The following DPYSL5 variants were observed in gnomAD, a reference collection of about 807,000 sequenced individuals.
DPYSL5 encodes the protein dihydropyrimidinase like 5.
A neutral mutation model predicts 58.4 loss-of-function variants in DPYSL5; 9 were observed. That is an observed-to-expected ratio of 0.15 (90% CI 0.09 to 0.27). The LOEUF (loss-of-function observed/expected upper bound fraction) is 0.27, where lower values mean the gene tolerates loss of function less well. Ranked by LOEUF, DPYSL5 falls within the 10% of genes least tolerant of loss-of-function variation. The pLI, the probability that DPYSL5 is intolerant of heterozygous loss-of-function variation, is 1.00. For missense variants in DPYSL5, 499 were observed against 770.6 expected, an observed-to-expected ratio of 0.65 and a Z score of 4.17; for synonymous variants, 293 against 301.9, an observed-to-expected ratio of 0.97 and a Z score of 0.31.
chr2:26,876,353 G>A (rs972822733), intron 1 of DPYSL5, among the ~76,000 whole-genome samples: 1 of 152,168 alleles, frequency 6.6e-6, no homozygotes, highest in African/African-American at 2.4e-5. Context: ...ACGGTGGAGT[G>A]GGGGTGCCTC....
chr2:26,936,473 G>A (rs1992311), intron 8 of DPYSL5, among the ~76,000 whole-genome samples: 89,522 of 151,980 alleles, frequency 0.59, 26,739 homozygotes, highest in East Asian at 0.68. Context: ...GGGCGTGGGC[G>A]AAGGTGGCCT....
At chr2:26,894,216 G>C (rs756896779) in intron 1 of DPYSL5, among the ~76,000 whole-genome samples, 9 of 151,938 alleles carry the variant, frequency 5.9e-5, no homozygotes, top group Non-Finnish European at 1.3e-4. Flanking sequence ...GTTGCCCTCA[G>C]CACTGGCCCC....
chr2:26,931,604 G>A, intron 5 of DPYSL5, 36 bp from the exon 6 acceptor site: 1 of 1,613,066 alleles, frequency 6.2e-7, no homozygotes, highest in Non-Finnish European at 8.5e-7. Context: ...AGGAGATGGT[G>A]AAGTTTGGTT....
chr2:26,884,955 T>G (rs1663676551), intron 1 of DPYSL5, among the ~76,000 whole-genome samples: 1 of 152,132 alleles, frequency 6.6e-6, no homozygotes, highest in Admixed American at 6.5e-5. Context: ...TCCCAGCACT[T>G]TGGGAGGCTG....
rs745834449 is a variant in DPYSL5, at chr2:26,942,066, G to A, written c.1206G>A (p.Val402=). The A allele has an allele frequency of 5.0e-6, 8 of 1,614,188 alleles. No individual in the cohort carries two copies. Among genetic ancestry groups the A allele is most frequent in the South Asian group, 1.1e-5 (1 of 91,084 alleles). ...GRIIPGADAD[V]VVWDPEATKT... ...TTATTCCCGGAGCCGATGCTGATGT[G>A]GTGGTGTGGGACCCAGAAGCCACAA... The change falls in exon 10 of 13, where the codon GTG becomes GTA. Residue 402 remains valine, a synonymous_variant. Coordinates refer to ENST00000288699, the MANE Select transcript of DPYSL5 (RefSeq NM_020134.4). This position sits in a 1 kb window ranked among gnomAD's most constrained non-coding sequence, Gnocchi z 5.9.
intron 8 of DPYSL5, chr2:26,938,709 C>G (rs529530785): frequency 1.3e-5 from 2 of 152,384 alleles, no homozygotes; most frequent in Admixed American, 1.3e-4. Context: ...TTTCTGCCCC[C>G]ACAGTCTCCT....
At chr2:26,888,229 C>CTT (rs1553316464) in intron 1 of DPYSL5, among the ~76,000 whole-genome samples, 2 of 129,398 alleles carry the variant, frequency 1.5e-5, no homozygotes, top group African/African-American at 6.4e-5. Flanking sequence ...TTCTTTCTTT[C>CTT]TTTCTTTCTT....
chr2:26,941,646 G>A (rs189118332), intron 9 of DPYSL5, among the ~76,000 whole-genome samples: 67 of 152,318 alleles, frequency 4.4e-4, no homozygotes, highest in African/African-American at 1.4e-3. Context: ...TGACTCATCC[G>A]TGTGGGCACA....
intron 2 of DPYSL5, among the ~76,000 whole-genome samples, chr2:26,900,755 G>T (rs867802229): frequency 1.9e-4 from 29 of 152,070 alleles, no homozygotes; most frequent in African/African-American, 6.0e-4. Context: ...TCCATTCTGG[G>T]GTCCATTCTG....
At chr2:26,866,732 CTTTT>C (rs1298358466) in intron 1 of DPYSL5, among the ~76,000 whole-genome samples, 2 of 132,910 alleles carry the variant, frequency 1.5e-5, no homozygotes, top group Non-Finnish European at 3.2e-5. Flanking sequence ...AATTCTTCTT[CTTTT>C]TTTTTTTTTT....
chr2:26,939,295 G>A (rs548589092), intron 8 of DPYSL5: 4 of 152,150 alleles, frequency 2.6e-5, no homozygotes, highest in Non-Finnish European at 4.4e-5. Context: ...CCACCACTAC[G>A]CTCAGATAAT....
Position 26,947,015 on chromosome 2 carries a change from G to A in DPYSL5, c.*20G>A, listed in dbSNP as rs777940661. On this transcript the variant is annotated 3_prime_UTR_variant, in exon 13 of 13. Transcript: ENST00000288699. This position sits in a 1 kb window ranked among gnomAD's most constrained non-coding sequence, Gnocchi z 4.2. ...TGGTAAAGGCATTGCCAAGCCCCCCGAGTGAGGACGCACCGCCGCCACCAG... is the reference window on the plus strand; with the variant it reads ...TGGTAAAGGCATTGCCAAGCCCCCCAAGTGAGGACGCACCGCCGCCACCAG... 1.1e-5 allele frequency: 17 copies of A among 1,584,002 alleles called. No homozygotes were observed. The highest frequency in any genetic ancestry group is 1.7e-4 in the Middle Eastern group (1 of 6,040).
chr2:26,885,091 C>T (rs1415311119), intron 1 of DPYSL5, among the ~76,000 whole-genome samples: 3 of 151,928 alleles, frequency 2.0e-5, no homozygotes, highest in Admixed American at 6.6e-5. Flanking sequence ...CCCAGCTACT[C>T]GGGAGGCTGA....
intron 1 of DPYSL5, among the ~76,000 whole-genome samples, chr2:26,866,056 C>T (rs1465748240): frequency 2.6e-5 from 4 of 152,166 alleles, no homozygotes; most frequent in Non-Finnish European, 5.9e-5. Context: ...GATAAATGCC[C>T]TGTGAACAGC....
At position 26,924,839 on chromosome 2, in the gene DPYSL5, C is replaced by T. The variant is rs1664789137; in HGVS notation, c.262-48C>T. 5.7e-6 allele frequency: 9 copies of T among 1,588,024 alleles called. No individual in the cohort carries two copies. Among genetic ancestry groups the T allele is most frequent in the African/African-American group, 2.7e-5 (2 of 74,602 alleles). On this transcript the variant is annotated intron_variant, in intron 2 of 12. Transcript: ENST00000288699. The surrounding 1 kb of genome is among the most constrained non-coding windows in gnomAD (Gnocchi z 4.7). ...ACCATGTCTCACCACATCATTGACT[C>T]GGGGGCAGGCAGGGCTGTGACGAGA...
intron 8 of DPYSL5, among the ~76,000 whole-genome samples, chr2:26,936,112 G>A (rs1455323314): frequency 2.0e-5 from 3 of 152,186 alleles, no homozygotes; most frequent in African/African-American, 7.2e-5. Context: ...GGGTGGACTG[G>A]TGAGGAGAGG....
At position 26,924,127 on chromosome 2, in the gene DPYSL5, G is replaced by C. The variant is rs563689684; in HGVS notation, c.262-760G>C. Among the ~76,000 whole-genome samples, 9 of 152,248 alleles carry C rather than the reference G, an allele frequency of 5.9e-5. No individual in the cohort carries two copies. The highest frequency in any genetic ancestry group is 2.0e-4 in the Admixed American group (3 of 15,292). ...ATACAGATTTAGTCATTTTTCCTGG[G>C]GGTTCACTCTATGATTGCGAGTGAG... On this transcript the variant is annotated intron_variant, in intron 2 of 12. Transcript: ENST00000288699. This position sits in a 1 kb window ranked among gnomAD's most constrained non-coding sequence, Gnocchi z 4.7.
intron 2 of DPYSL5, among the ~76,000 whole-genome samples, chr2:26,902,481 T>C (rs1180988148): frequency 6.6e-6 from 1 of 152,278 alleles, no homozygotes; most frequent in Admixed American, 6.5e-5. Context: ...CTCACTAAGA[T>C]ATTGATAGCG....
At chr2:26,915,470 C>G (rs1158105565) in intron 2 of DPYSL5, among the ~76,000 whole-genome samples, 1 of 152,180 alleles carries the variant, frequency 6.6e-6, no homozygotes, top group Non-Finnish European at 1.5e-5. Flanking sequence ...CCCTGGGACC[C>G]CTTCCCATTC....
Sources: allele counts gnomAD v4.1 joint callset (sites outside exome capture counted in the v4.1 genomes callset), GRCh38; gene constraint gnomAD v4.1.1; non-coding constraint Gnocchi (gnomAD v3.1); transcripts MANE v1.5; gene names NCBI Gene and HGNC (gene_info 2026-07-23, HGNC 2026-07-21).